Variants in TRAPPC9 observed in about 807,000 individuals in gnomAD.
The protein encoded by TRAPPC9 is IKK2 binding protein.
TRAPPC9 carries 83 observed loss-of-function variants against 124.0 expected under a neutral mutation model. The observed-to-expected ratio is 0.67, with a 90% CI of 0.56 to 0.80. TRAPPC9 has a LOEUF of 0.80. Ranked by LOEUF, TRAPPC9 falls within the 30% of genes least tolerant of loss-of-function variation. The pLI, the probability that TRAPPC9 is intolerant of heterozygous loss-of-function variation, is 0.00. For synonymous variants in TRAPPC9, 638 were observed against 617.5 expected (o/e 1.03, Z -0.49); for missense variants, 1,302 against 1,508.3 (o/e 0.86, Z 2.27).
chr8:140,358,908 C>G (rs529836882), intron 9 of TRAPPC9, among the ~76,000 whole-genome samples: 1 of 152,154 alleles, frequency 6.6e-6, no homozygotes, highest in Non-Finnish European at 1.5e-5. Flanking sequence ...GGGCCTGGCA[C>G]GGGGACAGGA....
At chr8:140,332,816 T>C (rs957728821) in intron 9 of TRAPPC9, among the ~76,000 whole-genome samples, 1 of 152,150 alleles carries the variant, frequency 6.6e-6, no homozygotes, top group Non-Finnish European at 1.5e-5. Context: ...GATACAGAAT[T>C]ATATTTACAA....
chr8:140,346,519 T>G (rs2067354885), intron 9 of TRAPPC9, among the ~76,000 whole-genome samples: 1 of 152,180 alleles, frequency 6.6e-6, no homozygotes, highest in African/African-American at 2.4e-5. Flanking sequence ...ACACCACAAT[T>G]TTACATGCAA....
intron 15 of TRAPPC9, among the ~76,000 whole-genome samples, chr8:140,256,938 C>T (rs982261538): frequency 6.6e-6 from 1 of 152,126 alleles, no homozygotes; most frequent in Admixed American, 6.5e-5. Context: ...GGCAAGAACA[C>T]CACCACCAAT....
intron 10 of TRAPPC9, among the ~76,000 whole-genome samples, chr8:140,301,721 C>T (rs747646456): frequency 6.6e-6 from 1 of 152,212 alleles, no homozygotes; most frequent in African/African-American, 2.4e-5. Context: ...GAAGGTGAGG[C>T]CACCTGAGGA....
intron 21 of TRAPPC9, among the ~76,000 whole-genome samples, chr8:139,783,866 T>C (rs561898505): frequency 6.6e-6 from 1 of 152,210 alleles, no homozygotes; most frequent in Non-Finnish European, 1.5e-5. Flanking sequence ...TAATTCACCA[T>C]ATTAACAAAT....
intron 17 of TRAPPC9, among the ~76,000 whole-genome samples, chr8:140,074,786 G>A (rs144903649): frequency 6.6e-6 from 1 of 152,238 alleles, no homozygotes; most frequent in Non-Finnish European, 1.5e-5. Context: ...GAGAGCTCTG[G>A]AGGTCCTTCA....
intron 9 of TRAPPC9, among the ~76,000 whole-genome samples, chr8:140,352,710 C>G (rs2067623778): frequency 6.6e-6 from 1 of 152,184 alleles, no homozygotes; most frequent in Admixed American, 6.5e-5. Flanking sequence ...ACCCCTTCCC[C>G]AGGCCAGTCA....
intron 9 of TRAPPC9, among the ~76,000 whole-genome samples, chr8:140,352,034 C>T (rs2067599192): frequency 6.6e-6 from 1 of 152,196 alleles, no homozygotes; most frequent in Admixed American, 6.5e-5. Flanking sequence ...CAAAGTCCCC[C>T]ATTCCCCCAG....
In TRAPPC9 at chr8:139,731,065, G is replaced by A. The variant is rs762293608; in HGVS notation, c.3443C>T (p.Ala1148Val). The A allele has an allele frequency of 6.2e-7, 1 of 1,612,418 alleles. No individual in the cohort carries two copies. The highest frequency in any genetic ancestry group is 8.5e-7 in the Non-Finnish European group (1 of 1,179,968). The change falls in exon 23 of 23, where the codon GCC becomes GTC. Residue 1148 changes from alanine (A) to valine (V), a missense_variant. By Grantham distance (64) the Ala-to-Val change is moderately conservative (BLOSUM62 0). Around this residue, in one of 3 missense-constraint regions of TRAPPC9, gnomAD observed 640 missense variants for 679.3 expected, o/e 0.94. Coordinates refer to ENST00000438773, the MANE Select transcript of TRAPPC9 (RefSeq NM_001160372.4). The stretch of plus-strand genomic sequence containing the variant: ...GAGGGACGGAAGTAGGCGGGCTCAG[G>A]CCTGCGCCTCCAGGGCACACACGTG... ...SVHVCALEAQ[A>V]
chr8:140,036,802 T>C (rs1410254738), intron 17 of TRAPPC9, among the ~76,000 whole-genome samples: 4 of 152,178 alleles, frequency 2.6e-5, no homozygotes, highest in Non-Finnish European at 5.9e-5. Flanking sequence ...AGATGCCGCG[T>C]GTGTGTTTAC....
chr8:140,285,902 G>A (rs977478794), intron 13 of TRAPPC9, among the ~76,000 whole-genome samples: 1 of 152,164 alleles, frequency 6.6e-6, no homozygotes. Context: ...CTCACCCGTA[G>A]GGAGCACCCT....
At chr8:139,820,401 G>A (rs948515865) in intron 21 of TRAPPC9, among the ~76,000 whole-genome samples, 4 of 152,068 alleles carry the variant, frequency 2.6e-5, no homozygotes, top group East Asian at 1.9e-4. Context: ...GGCTGGACTC[G>A]AACTCCTGAC....
intron 6 of TRAPPC9, among the ~76,000 whole-genome samples, chr8:140,404,889 TGCACGTGTGTGTGAGCATGC>T (rs2069429052): frequency 1.2e-5 from 1 of 82,210 alleles, no homozygotes. Context: ...AGTGCATGTG[TGCACGTGTGTGTGAGCATGC>T]GTGTGTGTGT....
At chr8:139,967,715 G>A (rs774910356) in intron 19 of TRAPPC9, among the ~76,000 whole-genome samples, 7 of 152,182 alleles carry the variant, frequency 4.6e-5, no homozygotes, top group Admixed American at 6.5e-5. Flanking sequence ...ATGGCCTCAC[G>A]CCCACAGCAC....
At chr8:139,751,275 G>A (rs1287080054) in intron 21 of TRAPPC9, among the ~76,000 whole-genome samples, 1 of 152,198 alleles carries the variant, frequency 6.6e-6, no homozygotes, top group Non-Finnish European at 1.5e-5. Flanking sequence ...TAGACAGAAT[G>A]CATCTTTTCA....
At chr8:140,024,795 A>G (rs756491528) in intron 17 of TRAPPC9, among the ~76,000 whole-genome samples, 4 of 151,656 alleles carry the variant, frequency 2.6e-5, no homozygotes, top group Non-Finnish European at 4.4e-5. Flanking sequence ...ACACATTTCT[A>G]TGAGCATCAT....
intron 20 of TRAPPC9, among the ~76,000 whole-genome samples, chr8:139,900,163 T>C (rs949757719): frequency 3.3e-5 from 5 of 152,224 alleles, no homozygotes; most frequent in African/African-American, 1.2e-4. Context: ...AGCTTGCTTT[T>C]CCTGTTGCCG....
At chr8:139,997,542 AGAAGAGACAACGCATCCTACC>A (rs1838095486) in intron 18 of TRAPPC9, among the ~76,000 whole-genome samples, 3 of 149,258 alleles carry the variant, frequency 2.0e-5, no homozygotes, top group Middle Eastern at 3.5e-3. Flanking sequence ...CATCCTACAC[AGAAGAGACAACGCATCCTACC>A]CAGGGGAACA....
chr8:139,961,741 C>G (rs1835381984), intron 19 of TRAPPC9, among the ~76,000 whole-genome samples: 2 of 123,892 alleles, frequency 1.6e-5, no homozygotes. Flanking sequence ...GCTCTGATCT[C>G]AAAGCGGGGG....
Sources: gnomAD v4.1 joint callset for allele counts (sites outside exome capture counted in the v4.1 genomes callset) on GRCh38, gnomAD v4.1.1 for gene constraint, gnomAD v4.1.1 regional missense constraint, MANE v1.5 for transcripts, NCBI Gene and HGNC (gene_info 2026-07-23, HGNC 2026-07-21) for gene names.